Variants in CNBD1 observed in about 807,000 individuals in gnomAD.
CNBD1 encodes the protein cyclic nucleotide binding domain containing 1.
CNBD1 carries 71 observed loss-of-function variants against 54.4 expected under a neutral mutation model. That is an observed-to-expected ratio of 1.30 (90% CI 1.08 to 1.59). CNBD1 has a LOEUF of 1.59. CNBD1 is among the 40% of genes most tolerant of loss of function. CNBD1 has a pLI of 0.00. For synonymous variants in CNBD1, 182 were observed against 170.7 expected (o/e 1.07, Z -0.51); for missense variants, 659 against 518.0 (o/e 1.27, Z -2.64).
intron 4 of CNBD1, among the ~76,000 whole-genome samples, chr8:86,985,059 G>A (rs567863123): frequency 1.3e-5 from 2 of 152,172 alleles, no homozygotes; most frequent in Admixed American, 1.3e-4. Flanking sequence ...GAATCATGGG[G>A]GCAGGTCTTT....
chr8:87,383,031 C>T (rs1167523756), downstream of CNBD1, among the ~76,000 whole-genome samples: 1 of 151,746 alleles, frequency 6.6e-6, no homozygotes, highest in Non-Finnish European at 1.5e-5. Flanking sequence ...ACCACATGTG[C>T]CTTTTGGGAT....
intron 4 of CNBD1, among the ~76,000 whole-genome samples, chr8:87,036,310 C>T (rs928109147): frequency 5.3e-5 from 8 of 152,002 alleles, no homozygotes; most frequent in Admixed American, 5.2e-4. Context: ...AAAGATTGGT[C>T]ACGGCCAGGC....
chr8:86,894,109 C>A (rs1465828814), intron 2 of CNBD1, among the ~76,000 whole-genome samples: 1 of 111,826 alleles, frequency 8.9e-6, no homozygotes, highest in Non-Finnish European at 1.7e-5. Context: ...GGCCGGACTG[C>A]GGACTGCAGT....
At chr8:86,877,659 T>C (rs905663691) in intron 1 of CNBD1, among the ~76,000 whole-genome samples, 11 of 152,180 alleles carry the variant, frequency 7.2e-5, no homozygotes, top group Admixed American at 3.9e-4. Flanking sequence ...TCTAATCTTT[T>C]TGTAAATCAT....
intron 4 of CNBD1, among the ~76,000 whole-genome samples, chr8:86,960,997 C>T (rs1484554201): frequency 6.6e-6 from 1 of 152,218 alleles, no homozygotes; most frequent in African/African-American, 2.4e-5. Context: ...TAAAGCCTTT[C>T]ACCAACCTAG....
At chr8:87,327,703 G>A (rs755205747) in intron 8 of CNBD1, among the ~76,000 whole-genome samples, 4 of 152,110 alleles carry the variant, frequency 2.6e-5, no homozygotes, top group Non-Finnish European at 4.4e-5. Flanking sequence ...CCCACTGTCT[G>A]GCACTTCCTA....
intron 1 of CNBD1, among the ~76,000 whole-genome samples, chr8:86,880,645 A>T (rs984924741): frequency 6.6e-6 from 1 of 152,192 alleles, no homozygotes; most frequent in African/African-American, 2.4e-5. Context: ...GATGGAATTG[A>T]CAGTCTTTAT....
intron 4 of CNBD1, among the ~76,000 whole-genome samples, chr8:87,049,311 T>C (rs1340597859): frequency 6.6e-6 from 1 of 152,176 alleles, no homozygotes; most frequent in Non-Finnish European, 1.5e-5. Flanking sequence ...GGAAGATCCA[T>C]TAACAGTGAG....
intron 8 of CNBD1, among the ~76,000 whole-genome samples, chr8:87,294,507 C>T (rs1808840113): frequency 6.6e-6 from 1 of 152,174 alleles, no homozygotes; most frequent in African/African-American, 2.4e-5. Flanking sequence ...CTGGATTTCT[C>T]ACTGTCTCCA....
chr8:87,188,867 A>G (rs1181549739), intron 4 of CNBD1, among the ~76,000 whole-genome samples: 1 of 147,382 alleles, frequency 6.8e-6, no homozygotes, highest in Non-Finnish European at 1.5e-5. Flanking sequence ...ACATGTAGGT[A>G]GAAGCTATTG....
chr8:87,365,151 A>G (rs1195245143), intron 10 of CNBD1, among the ~76,000 whole-genome samples: 2 of 152,034 alleles, frequency 1.3e-5, no homozygotes, highest in Admixed American at 6.6e-5. Context: ...CCTTGCCAGC[A>G]TCTGTTATTT....
At chr8:87,007,665 T>A (rs1423048794) in intron 4 of CNBD1, among the ~76,000 whole-genome samples, 1 of 152,176 alleles carries the variant, frequency 6.6e-6, no homozygotes, top group African/African-American at 2.4e-5. Context: ...TTACTATACT[T>A]CAGTGGAATT....
rs553822622 is a variant in CNBD1, at chr8:87,270,031, C to A, written c.772-14647C>A. Reference sequence around the variant, plus strand: ...CAACAAAAATACTAGCAAATTGAATCCAGCAGCACATATAAAAGTTAATTC... The same window carrying A: ...CAACAAAAATACTAGCAAATTGAATACAGCAGCACATATAAAAGTTAATTC... On this transcript the variant is annotated intron_variant, in intron 6 of 10. Transcript: ENST00000518476. 3.3e-5 allele frequency among the ~76,000 whole-genome samples: 5 copies of A among 152,092 alleles called. No individual in the cohort carries two copies. In the East Asian group the frequency reaches 9.7e-4, roughly 29 times the overall value.
At chr8:86,893,602 C>A (rs72663125) in intron 2 of CNBD1, among the ~76,000 whole-genome samples, 1,982 of 152,194 alleles carry the variant, frequency 0.013, 13 homozygotes, top group Non-Finnish European at 0.02. Context: ...TGAAAACTTG[C>A]TTTCTTTCTC....
At chr8:87,304,842 G>T (rs960173636) in intron 8 of CNBD1, among the ~76,000 whole-genome samples, 1 of 151,934 alleles carries the variant, frequency 6.6e-6, no homozygotes, top group Admixed American at 6.6e-5. Flanking sequence ...TTCCTTCTGA[G>T]AACTGGAACA....
chr8:87,001,279 G>T (rs1808985737), intron 4 of CNBD1, among the ~76,000 whole-genome samples: 1 of 152,018 alleles, frequency 6.6e-6, no homozygotes, highest in Middle Eastern at 3.2e-3. Flanking sequence ...GGAATCTGGT[G>T]TCTTAGGTTG....
chr8:87,400,293 T>C (rs558473966), intron 2 of CNBD1, among the ~76,000 whole-genome samples: 1 of 152,126 alleles, frequency 6.6e-6, no homozygotes, highest in East Asian at 1.9e-4. Context: ...ATTTCTCTGA[T>C]TTACAACTGA....
At chr8:87,348,222 A>T (rs1249061032) in intron 8 of CNBD1, among the ~76,000 whole-genome samples, 2 of 152,192 alleles carry the variant, frequency 1.3e-5, no homozygotes, top group Non-Finnish European at 2.9e-5. Flanking sequence ...AGATGCACTT[A>T]TCTTTAAGAA....
rs551858757 is a variant in CNBD1 at position 86,990,550 on chromosome 8, G to C, written c.431+50796G>C. Among the ~76,000 whole-genome samples the C allele has an allele frequency of 2.4e-3, 362 of 152,202 alleles. 2 individuals are homozygous for C. The highest frequency in any genetic ancestry group is 8.5e-3 in the African/African-American group (353 of 41,532). On this transcript the variant is annotated intron_variant, in intron 4 of 10. Transcript: ENST00000518476. ...TGTCTATTCTGTTTCATTGGTCTATGTGTCTGCTTTTATGCCAGTACCAGG... is the reference window on the plus strand; with the variant it reads ...TGTCTATTCTGTTTCATTGGTCTATCTGTCTGCTTTTATGCCAGTACCAGG...
Sources: allele counts gnomAD v4.1 joint callset (sites outside exome capture counted in the v4.1 genomes callset), GRCh38; gene constraint gnomAD v4.1.1; transcripts MANE v1.5; gene names NCBI Gene and HGNC (gene_info 2026-07-23, HGNC 2026-07-21).